FRMD5: variants seen among roughly 807,000 people sequenced by gnomAD.
The protein encoded by FRMD5 is FERM domain-containing protein 5.
FRMD5 carries 20 observed loss-of-function variants against 69.0 expected under a neutral mutation model. That is an observed-to-expected ratio of 0.29 (90% CI 0.20 to 0.42). The LOEUF is 0.42. Ranked by LOEUF, FRMD5 falls within the 10% of genes least tolerant of loss-of-function variation. FRMD5 has a pLI of 1.00. For synonymous variants in FRMD5, 271 were observed against 260.1 expected, an observed-to-expected ratio of 1.04 and a Z score of -0.40; for missense variants, 595 against 708.6, an observed-to-expected ratio of 0.84 and a Z score of 1.82.
chr15:44,110,395 A>G (rs1162122832), intron 1 of FRMD5, among the ~76,000 whole-genome samples: 1 of 152,176 alleles, frequency 6.6e-6, no homozygotes, highest in Non-Finnish European at 1.5e-5. Context: ...TTTTCAGTTC[A>G]TTTGGGTAAA....
At chr15:43,875,268 T>C (rs1364379436) in intron 13 of FRMD5, among the ~76,000 whole-genome samples, 1 of 149,838 alleles carries the variant, frequency 6.7e-6, no homozygotes, top group Non-Finnish European at 1.5e-5. Context: ...GGCAGATTGC[T>C]TGAGCCTGGG....
At chr15:44,066,510 A>T (rs1893316885) in intron 1 of FRMD5, among the ~76,000 whole-genome samples, 1 of 152,206 alleles carries the variant, frequency 6.6e-6, no homozygotes, top group Non-Finnish European at 1.5e-5. Context: ...GAAGACAGGC[A>T]TTCTGGGGAA....
At chr15:44,003,708 C>A (rs1484776919) in intron 1 of FRMD5, among the ~76,000 whole-genome samples, 1 of 152,206 alleles carries the variant, frequency 6.6e-6, no homozygotes, top group Admixed American at 6.5e-5. Context: ...GTATTTGATA[C>A]GTATACTTGA....
chr15:44,013,153 C>T (rs1376848758), intron 1 of FRMD5, among the ~76,000 whole-genome samples: 1 of 152,160 alleles, frequency 6.6e-6, no homozygotes, highest in African/African-American at 2.4e-5. Flanking sequence ...CTTTGAGAAG[C>T]TGAGGCAGGA....
intron 1 of FRMD5, among the ~76,000 whole-genome samples, chr15:44,070,853 T>C (rs2140412381): frequency 6.6e-6 from 1 of 152,324 alleles, no homozygotes; most frequent in Middle Eastern, 3.4e-3. Context: ...GCTAGAAAGT[T>C]GTTCCTTCGA....
chr15:43,945,763 T>A (rs1256110644), intron 1 of FRMD5, among the ~76,000 whole-genome samples: 2 of 152,118 alleles, frequency 1.3e-5, no homozygotes, highest in Non-Finnish European at 2.9e-5. Flanking sequence ...GCCCCCCAGA[T>A]CTTTTAAAAA....
chr15:43,925,620 C>T (rs1363238057), intron 1 of FRMD5, among the ~76,000 whole-genome samples: 2 of 152,216 alleles, frequency 1.3e-5, no homozygotes, highest in Non-Finnish European at 2.9e-5. Context: ...TCTTGTTGCT[C>T]TCAGAATAAA....
chr15:43,912,388 A>G (rs1436591538), intron 4 of FRMD5, among the ~76,000 whole-genome samples: 1 of 152,144 alleles, frequency 6.6e-6, no homozygotes, highest in Non-Finnish European at 1.5e-5. Flanking sequence ...CCACAGCGAA[A>G]TGCCACACGG....
intron 1 of FRMD5, among the ~76,000 whole-genome samples, chr15:44,123,034 A>G (rs1412482734): frequency 1.3e-5 from 2 of 152,236 alleles, no homozygotes; most frequent in Non-Finnish European, 2.9e-5. Context: ...GGCTATCATA[A>G]TGTGAACATT....
chr15:44,051,964 C>T (rs188638663), intron 1 of FRMD5, among the ~76,000 whole-genome samples: 31 of 152,130 alleles, frequency 2.0e-4, no homozygotes, highest in African/African-American at 7.5e-4. Context: ...CAGAATTTTC[C>T]ACTGTAAAGT....
At chr15:43,953,033 G>C (rs993531276) in intron 1 of FRMD5, among the ~76,000 whole-genome samples, 1 of 152,188 alleles carries the variant, frequency 6.6e-6, no homozygotes, top group African/African-American at 2.4e-5. Context: ...TTCCACTAAG[G>C]CTTTGTCCTG....
intron 1 of FRMD5, among the ~76,000 whole-genome samples, chr15:44,184,034 A>C (rs1009746029): frequency 6.6e-6 from 1 of 151,288 alleles, no homozygotes; most frequent in Non-Finnish European, 1.5e-5. Flanking sequence ...GCTTCTCCAG[A>C]TTCTCCCTCC....
intron 1 of FRMD5, among the ~76,000 whole-genome samples, chr15:43,970,758 C>T (rs540309236): frequency 1.6e-4 from 24 of 152,260 alleles, no homozygotes; most frequent in Non-Finnish European, 2.8e-4. Context: ...TGCCATACCC[C>T]ATCTATTTCT....
intron 13 of FRMD5, among the ~76,000 whole-genome samples, chr15:43,883,297 C>T (rs1168966220): frequency 6.6e-6 from 1 of 152,046 alleles, no homozygotes; most frequent in African/African-American, 2.4e-5. Flanking sequence ...AGGGTTTCAC[C>T]ATTTTGGCCG....
At chr15:44,184,698 G>A (rs959307073) in intron 1 of FRMD5, among the ~76,000 whole-genome samples, 2 of 152,160 alleles carry the variant, frequency 1.3e-5, no homozygotes, top group African/African-American at 4.8e-5. Flanking sequence ...GAGATAATAA[G>A]AGATGAACAG....
intron 1 of FRMD5, among the ~76,000 whole-genome samples, chr15:44,006,268 G>T (rs918357406): frequency 6.6e-6 from 1 of 152,016 alleles, no homozygotes; most frequent in African/African-American, 2.4e-5. Flanking sequence ...TTACAGCATG[G>T]TTTACAGAAT....
intron 1 of FRMD5, among the ~76,000 whole-genome samples, chr15:44,038,092 T>C (rs4597286): frequency 0.82 from 125,265 of 152,154 alleles, 54,438 homozygotes; most frequent in Non-Finnish European, 0.95. Context: ...GCCACATAAA[T>C]GTCTTCTTTT....
intron 1 of FRMD5, among the ~76,000 whole-genome samples, chr15:44,143,888 C>G (rs1210516856): frequency 6.9e-6 from 1 of 143,902 alleles, no homozygotes; most frequent in Non-Finnish European, 1.5e-5. Flanking sequence ...CATGCCACTG[C>G]ACGCCAGTCT....
At chr15:44,111,873 CAG>C (rs2076801136) in intron 1 of FRMD5, among the ~76,000 whole-genome samples, 1 of 150,726 alleles carries the variant, frequency 6.6e-6, no homozygotes, top group Admixed American at 6.6e-5. Context: ...TTTTCTGAGA[CAG>C]AGTCTCGTGC....
Sources: allele counts gnomAD v4.1 joint callset (sites outside exome capture counted in the v4.1 genomes callset), GRCh38; gene constraint gnomAD v4.1.1; transcripts MANE v1.5; gene names NCBI Gene and HGNC (gene_info 2026-07-23, HGNC 2026-07-21).